The following TRPV3 variants were observed in gnomAD, a reference collection of about 807,000 sequenced individuals.
TRPV3 encodes the protein VRL-3.
A neutral mutation model predicts 87.1 loss-of-function variants in TRPV3; 88 were observed. The observed-to-expected ratio is 1.01, with a 90% CI of 0.85 to 1.21. The LOEUF (loss-of-function observed/expected upper bound fraction) is 1.21. Among genes scored for constraint, TRPV3 ranks in the 50% most tolerant of loss-of-function variants. The pLI is 0.00. For synonymous variants in TRPV3, 438 were observed against 423.3 expected, an observed-to-expected ratio of 1.03 and a Z score of -0.43; for missense variants, 1,054 against 1,030.1, an observed-to-expected ratio of 1.02 and a Z score of -0.32.
rs1294947087 is a variant in TRPV3, at chr17:3,556,824, A to G, written c.-3+852T>C. Among the ~76,000 whole-genome samples the G allele has an allele frequency of 6.6e-6, 1 of 151,986 alleles. No homozygotes were observed. Among genetic ancestry groups the G allele is most frequent in the Non-Finnish European group, 1.5e-5 (1 of 67,966 alleles). On this transcript the variant is annotated intron_variant, in intron 1 of 17. Transcript: ENST00000576742. The surrounding 1 kb of genome is among the most constrained non-coding windows in gnomAD (Gnocchi z 4.2). ...GGCCTGATGAGGATGGGCAGCCTCT[A>G]TGGCTTTCCCCATCCCCACGTGGCC...
In TRPV3 at chr17:3,530,018, G is replaced by A; in HGVS notation, c.1242+9C>T. ...TCCCTGCCCTTCCCCGCCTGTGCAG[G>A]AGACCCACGTCGATGTTGGTGTTGT... On this transcript the variant is annotated intron_variant, in intron 9 of 17. Coordinates refer to ENST00000576742, the MANE Select transcript of TRPV3 (RefSeq NM_145068.4). The surrounding 1 kb of genome is among the most constrained non-coding windows in gnomAD (Gnocchi z 4.0). 1 of 1,609,342 alleles carries A rather than the reference G, an allele frequency of 6.2e-7. No homozygotes were observed. The highest frequency in any genetic ancestry group is 8.5e-7 in the Non-Finnish European group (1 of 1,177,002).
chr17:3,530,132 G>C lies in TRPV3; in HGVS notation c.1137C>G (p.Asp379Glu). 1 of 1,614,178 alleles carries C rather than the reference G, an allele frequency of 6.2e-7. No individual in the cohort carries two copies. The highest frequency in any genetic ancestry group is 8.5e-7 in the Non-Finnish European group (1 of 1,180,014). ...RLRSLSRKFTDWAYGPVSSSL... is the reference protein window; with the variant it reads ...RLRSLSRKFTEWAYGPVSSSL... ...AGGATGACACGGGTCCGTACGCCCA[G>C]TCGGTGAACTTCCTGGACAGGCTCC... Residue 379 changes from aspartate to glutamate, a missense_variant, in exon 9 of 18, where the codon GAC becomes GAG. Coordinates refer to ENST00000576742, the MANE Select transcript of TRPV3 (RefSeq NM_145068.4). The surrounding 1 kb of genome is among the most constrained non-coding windows in gnomAD (Gnocchi z 4.0).
rs1345394678 is a variant in TRPV3, at chr17:3,554,821, A to T, written c.30T>A (p.Pro10=). The change falls in exon 2 of 18, where the codon CCT becomes CCA. Residue 10 remains proline, a synonymous_variant. Transcript: ENST00000576742. The part of the protein sequence containing the change: MKAHPKEMV[P]LMGKRVAAPS... The stretch of plus-strand genomic sequence containing the variant: ...GGGCAGCAACTCTCTTGCCCATGAG[A>T]GGCACCATCTCCTTGGGGTGGGCTT... 4.3e-6 allele frequency: 7 copies of T among 1,612,396 alleles called. No individual in the cohort carries two copies. The highest frequency in any genetic ancestry group is 8.5e-7 in the Non-Finnish European group (1 of 1,179,490).
chr17:3,533,936 TA>T (rs1163588434), intron 7 of TRPV3, among the ~76,000 whole-genome samples: 1 of 152,232 alleles, frequency 6.6e-6, no homozygotes, highest in Non-Finnish European at 1.5e-5. Context: ...TGTTCACTGA[TA>T]CATTTCAAGT....
intron 6 of TRPV3, among the ~76,000 whole-genome samples, chr17:3,537,741 T>C (rs527330679): frequency 1.3e-4 from 20 of 150,840 alleles, no homozygotes; most frequent in African/African-American, 4.9e-4. Flanking sequence ...CCATCTCTAC[T>C]GAAAATACAA....
At chr17:3,525,388 C>G (rs987421839) in intron 12 of TRPV3, among the ~76,000 whole-genome samples, 3 of 152,036 alleles carry the variant, frequency 2.0e-5, no homozygotes, top group Non-Finnish European at 4.4e-5. Flanking sequence ...ATGACTGTAC[C>G]TAAAATAGTC....
rs1212505483 is a variant in TRPV3 at position 3,524,938 on chromosome 17, C to CA, written c.1578-576dup. On this transcript the variant is annotated intron_variant, in intron 12 of 17. Coordinates refer to ENST00000576742, the MANE Select transcript of TRPV3 (RefSeq NM_145068.4). The stretch of plus-strand genomic sequence containing the variant: ...ATGATTGTATTTTTAACCAAAATGA[C>CA]AAAAACTGCCAATATCTATACTTAA... Among the ~76,000 whole-genome samples, 6 of 151,922 alleles carry CA rather than the reference C, an allele frequency of 3.9e-5. 1 individual carries two copies. Among genetic ancestry groups the CA allele is most frequent in the Non-Finnish European group, 5.9e-5 (4 of 67,970 alleles).
chr17:3,526,495 C>A (rs1381953806), intron 12 of TRPV3, among the ~76,000 whole-genome samples: 1 of 147,842 alleles, frequency 6.8e-6, no homozygotes. Flanking sequence ...AAAAAAAAAA[C>A]AACAACGTAA....
chr17:3,540,838 T>C (rs1364098020), intron 6 of TRPV3, among the ~76,000 whole-genome samples: 1 of 152,196 alleles, frequency 6.6e-6, no homozygotes, highest in East Asian at 1.9e-4. Context: ...TCATCCAGTT[T>C]CTCTCTTTGC....
chr17:3,514,507 A>G (rs2074155932), intron 17 of TRPV3, 86 bp downstream of exon 17: 1 of 924,704 alleles, frequency 1.1e-6, no homozygotes. Context: ...ACAGATGGGG[A>G]AAGTCAGGAC....
chr17:3,516,538 A>G lies in TRPV3; in HGVS notation c.2117T>C (p.Met706Thr). ...RARTILEFEK[M>T]LPEWLRSRFR... ...TCTGCTCCTCAGCCATTCTGGTAAC[A>G]TTTTCTCAAACTCCAAGATGGTCCT... The change falls in exon 16 of 18, where the codon ATG (methionine) becomes ACG (threonine). Residue 706 changes from methionine to threonine, a missense_variant. Met to Thr is a moderately conservative substitution (Grantham distance 81, BLOSUM62 -1). Transcript: ENST00000576742. 6.2e-7 allele frequency: 1 copy of G among 1,613,914 alleles called. No individual in the cohort carries two copies. Among genetic ancestry groups the G allele is most frequent in the Non-Finnish European group, 8.5e-7 (1 of 1,179,968 alleles).
intron 6 of TRPV3, among the ~76,000 whole-genome samples, chr17:3,538,160 C>T (rs953935408): frequency 2.0e-5 from 3 of 151,630 alleles, no homozygotes; most frequent in Non-Finnish European, 4.4e-5. Context: ...CACTGCACTC[C>T]AGCCTGGGCA....
chr17:3,531,092 C>CAAA (rs2074345881), intron 8 of TRPV3, among the ~76,000 whole-genome samples: 2 of 149,622 alleles, frequency 1.3e-5, no homozygotes, highest in African/African-American at 5.0e-5. Flanking sequence ...ACAAAAAAAC[C>CAAA]AAAAATTCCC....
Position 3,518,677 on chromosome 17 carries a change from C to T in TRPV3, c.1984G>A (p.Val662Ile), listed in dbSNP as rs1205091362. Residue 662 changes from valine to isoleucine, a missense_variant, in exon 15 of 18, where the codon GTC becomes ATC. Transcript: ENST00000576742. This position sits in a 1 kb window ranked among gnomAD's most constrained non-coding sequence, Gnocchi z 4.3. ...AGGAGGAGAACAAAGGTGAGGATGA[C>T]ATAGGTGATGAGCAGGAACAGAAAG... ...ILFLFLLITY[V>I]ILTFVLLLNM... is the part of the protein sequence containing the mutation. The T allele has an allele frequency of 1.2e-6, 2 of 1,607,856 alleles. No individual in the cohort carries two copies. The highest frequency in any genetic ancestry group is 1.7e-6 in the Non-Finnish European group (2 of 1,177,220).
At chr17:3,537,207 C>A (rs446413) in intron 6 of TRPV3, among the ~76,000 whole-genome samples, 119,987 of 152,038 alleles carry the variant, frequency 0.79, 53,965 homozygotes, top group Non-Finnish European at 0.99. Context: ...CTCACTGCAA[C>A]CTTGAACTCC....
intron 2 of TRPV3, chr17:3,552,334 T>C (rs618894): frequency 0.71 from 108,498 of 151,746 alleles, 39,087 homozygotes; most frequent in East Asian, 0.79. Flanking sequence ...ACTGGGACTA[T>C]AGGCACACGC....
chr17:3,556,799 G>A lies in TRPV3; in HGVS notation c.-3+877C>T, dbSNP rs575782809. Reference sequence around the variant, plus strand: ...ACCCGGCCCTCCCGTGTCCAGTCACGGCCTGATGAGGATGGGCAGCCTCTA... The same window carrying A: ...ACCCGGCCCTCCCGTGTCCAGTCACAGCCTGATGAGGATGGGCAGCCTCTA... On this transcript the variant is annotated intron_variant, in intron 1 of 17. Transcript: ENST00000576742. The surrounding 1 kb of genome is among the most constrained non-coding windows in gnomAD (Gnocchi z 4.2). Among the ~76,000 whole-genome samples, 4 of 152,186 alleles carry A rather than the reference G, an allele frequency of 2.6e-5. No individual in the cohort carries two copies. Among genetic ancestry groups the A allele is most frequent in the African/African-American group, 4.8e-5 (2 of 41,526 alleles).
At chr17:3,539,064 G>A (rs922443239) in intron 6 of TRPV3, among the ~76,000 whole-genome samples, 2 of 152,154 alleles carry the variant, frequency 1.3e-5, no homozygotes, top group African/African-American at 4.8e-5. Flanking sequence ...AATTAGCCAA[G>A]GTGCAGCCGC....
chr17:3,543,670 T>C (rs1195684451), intron 4 of TRPV3, 42 bp from the exon 5 acceptor site: 1 of 1,606,252 alleles, frequency 6.2e-7, no homozygotes, highest in Admixed American at 1.7e-5. Context: ...ACACATCCTC[T>C]CAAGCTCAAT....
Sources: gnomAD v4.1 joint callset for allele counts (sites outside exome capture counted in the v4.1 genomes callset) on GRCh38, gnomAD v4.1.1 for gene constraint, Gnocchi (gnomAD v3.1) non-coding constraint, MANE v1.5 for transcripts, NCBI Gene and HGNC (gene_info 2026-07-23, HGNC 2026-07-21) for gene names.